The following OSBPL8 variants were observed in gnomAD, a reference collection of about 807,000 sequenced individuals.
The protein encoded by OSBPL8 is oxysterol binding protein like 8.
In OSBPL8, 59 loss-of-function variants were observed where a neutral mutation model predicts 125.5. The ratio of observed to expected loss-of-function variants is 0.47; its 90% CI spans 0.38 to 0.58. The LOEUF is 0.58. OSBPL8 is among the 20% of genes least tolerant of loss of function. The pLI, the probability that OSBPL8 is intolerant of heterozygous loss-of-function variation, is 0.00. For synonymous variants in OSBPL8, 330 were observed against 338.9 expected, an observed-to-expected ratio of 0.97 and a Z score of 0.29; for missense variants, 758 against 1,047.8, an observed-to-expected ratio of 0.72 and a Z score of 3.82.
At chr12:76,517,369 A>G (rs1429393654) in intron 1 of OSBPL8, among the ~76,000 whole-genome samples, 1 of 152,230 alleles carries the variant, frequency 6.6e-6, no homozygotes, top group African/African-American at 2.4e-5. Flanking sequence ...AGAAATTTTT[A>G]ATTATAAAGA....
At chr12:76,373,488 T>C in intron 17 of OSBPL8, 55 bp from the exon 18 acceptor site, 7 of 1,330,392 alleles carry the variant, frequency 5.3e-6, no homozygotes, top group Non-Finnish European at 7.3e-6. Context: ...TTACATATAA[T>C]GTAAAACCAA....
Position 76,355,776 on chromosome 12 carries a change from GGT to G in OSBPL8, c.*111_*112del. 1 of 1,186,740 alleles carries G rather than the reference GGT, an allele frequency of 8.4e-7. No homozygotes were observed. The highest frequency in any genetic ancestry group is 1.2e-6 in the Non-Finnish European group (1 of 857,862). The allele number at this position is 1,186,740 out of a possible 1,614,324, so 73.5% of individuals were successfully genotyped here. On this transcript the variant is annotated 3_prime_UTR_variant, in exon 24 of 24. Transcript: ENST00000261183. ...TCAATACCTCTACATTTATCTCCTA[GGT>G]TTTTTTGTTTTCGGAATATTGTGAT...
chr12:76,381,850 T>A (rs1241335784), intron 15 of OSBPL8, among the ~76,000 whole-genome samples: 1 of 152,112 alleles, frequency 6.6e-6, no homozygotes, highest in East Asian at 1.9e-4. Flanking sequence ...TTCTCCTGCC[T>A]TAGCACTCCA....
rs761228743 is a variant in OSBPL8, at chr12:76,402,700, C to G, written c.355G>C (p.Glu119Gln). 4 of 1,603,086 alleles carry G rather than the reference C, an allele frequency of 2.5e-6. No homozygotes were observed. Among genetic ancestry groups the G allele is most frequent in the Non-Finnish European group, 3.4e-6 (4 of 1,170,688 alleles). ...AACTGGAAACTAACCTTAAGAGATT[C>G]TTTTTTTGTGAGTTTGCTTGAAGTT... Reference protein sequence around the residue: ...SSTSSKLTKKESLKVQKKNYR... With the variant: ...SSTSSKLTKKQSLKVQKKNYR... The change falls in exon 6 of 24, where the codon GAA becomes CAA. Residue 119 changes from glutamate to glutamine, a missense_variant. By Grantham distance (29) the Glu-to-Gln change is conservative. Transcript: ENST00000261183.
chr12:76,408,378 C>T (rs1248859780), intron 5 of OSBPL8, among the ~76,000 whole-genome samples: 1 of 144,924 alleles, frequency 6.9e-6, no homozygotes, highest in African/African-American at 2.6e-5. Context: ...AGAAGAATGG[C>T]GTGAACCCAG....
At chr12:76,451,451 A>C (rs1220558254) in intron 3 of OSBPL8, among the ~76,000 whole-genome samples, 1 of 152,214 alleles carries the variant, frequency 6.6e-6, no homozygotes, top group Non-Finnish European at 1.5e-5. Flanking sequence ...ATTCGCTAGA[A>C]TTTCTACTCT....
At chr12:76,357,224 T>G (rs1339902801) in intron 22 of OSBPL8, among the ~76,000 whole-genome samples, 1 of 152,200 alleles carries the variant, frequency 6.6e-6, no homozygotes, top group Non-Finnish European at 1.5e-5. Flanking sequence ...TCCATTTTTG[T>G]TCAGATCCTA....
chr12:76,511,105 C>G (rs1290604909), intron 1 of OSBPL8, among the ~76,000 whole-genome samples: 1 of 152,090 alleles, frequency 6.6e-6, no homozygotes, highest in Non-Finnish European at 1.5e-5. Context: ...TAAATCCAGA[C>G]TTCTGAGGGT....
chr12:76,504,118 A>G (rs1311484857), intron 1 of OSBPL8, among the ~76,000 whole-genome samples: 3 of 151,778 alleles, frequency 2.0e-5, no homozygotes, highest in Non-Finnish European at 2.9e-5. Flanking sequence ...GGTCCTAAAA[A>G]GAAATTCTGC....
intron 1 of OSBPL8, among the ~76,000 whole-genome samples, chr12:76,533,454 A>C (rs566521318): frequency 6.6e-6 from 1 of 152,350 alleles, no homozygotes; most frequent in East Asian, 1.9e-4. Context: ...AGGACTAAGA[A>C]GAAAAACATT....
chr12:76,450,603 C>A (rs1873264768), intron 4 of OSBPL8, among the ~76,000 whole-genome samples: 1 of 151,100 alleles, frequency 6.6e-6, no homozygotes, highest in African/African-American at 2.4e-5. Context: ...GTGAGAATCG[C>A]CAAATTAGAT....
chr12:76,533,736 T>C (rs1438536308), intron 1 of OSBPL8, among the ~76,000 whole-genome samples: 1 of 152,218 alleles, frequency 6.6e-6, no homozygotes, highest in African/African-American at 2.4e-5. Flanking sequence ...AGCTTAGAAA[T>C]GTCTTTCAAA....
chr12:76,402,671 A>G lies in OSBPL8; in HGVS notation c.366+18T>C. The G allele has an allele frequency of 6.4e-7, 1 of 1,557,088 alleles. No individual in the cohort carries two copies. The highest frequency in any genetic ancestry group is 8.9e-7 in the Non-Finnish European group (1 of 1,129,774). On this transcript the variant is annotated intron_variant, in intron 6 of 23. Transcript: ENST00000261183. ...AAGCACAATGTAAATTACCTTTCAG[A>G]AACAACTGGAAACTAACCTTAAGAG...
At chr12:76,510,012 C>A (rs952940105) in intron 1 of OSBPL8, among the ~76,000 whole-genome samples, 2 of 152,202 alleles carry the variant, frequency 1.3e-5, no homozygotes, top group Non-Finnish European at 2.9e-5. Context: ...TAAAAAGCCA[C>A]TTTTCTCATA....
chr12:76,370,941 A>ATGGCTTAT (rs1029488328), intron 19 of OSBPL8, among the ~76,000 whole-genome samples: 3 of 152,208 alleles, frequency 2.0e-5, no homozygotes, highest in African/African-American at 7.2e-5. Context: ...CAAAAATATA[A>ATGGCTTAT]GCCATCTAGC....
At chr12:76,423,488 G>A (rs1038172183) in intron 4 of OSBPL8, among the ~76,000 whole-genome samples, 2 of 151,922 alleles carry the variant, frequency 1.3e-5, no homozygotes, top group African/African-American at 2.4e-5. Context: ...CATCTAAACT[G>A]TTCAGTCTAT....
At chr12:76,481,407 C>T (rs1180191925) in intron 2 of OSBPL8, among the ~76,000 whole-genome samples, 1 of 152,018 alleles carries the variant, frequency 6.6e-6, no homozygotes, top group Admixed American at 6.6e-5. Flanking sequence ...GGAAGTTGTA[C>T]ATAAAAAAAC....
At chr12:76,458,699 T>TA (rs57581094) in intron 3 of OSBPL8, among the ~76,000 whole-genome samples, 90 of 143,134 alleles carry the variant, frequency 6.3e-4, no homozygotes, top group Middle Eastern at 3.5e-3. Context: ...AAATAAGAAT[T>TA]AAAAAAAAAA....
chr12:76,444,496 T>A (rs12831202), intron 4 of OSBPL8, among the ~76,000 whole-genome samples: 31,075 of 152,056 alleles, frequency 0.2, 3,408 homozygotes, highest in Non-Finnish European at 0.26. Flanking sequence ...CATATTCCAC[T>A]ATAGAAGACC....
Sources: gnomAD v4.1 joint callset for allele counts (sites outside exome capture counted in the v4.1 genomes callset) on GRCh38, gnomAD v4.1.1 for gene constraint, MANE v1.5 for transcripts, NCBI Gene and HGNC (gene_info 2026-07-23, HGNC 2026-07-21) for gene names.